Variants in INPP4A observed in about 807,000 individuals in gnomAD.
INPP4A encodes inositol polyphosphate-4-phosphatase, type I, 107kD.
A neutral mutation model predicts 119.8 loss-of-function variants in INPP4A; 33 were observed. That is an observed-to-expected ratio of 0.28 (90% confidence interval 0.21 to 0.37). The LOEUF is 0.37. Among genes scored for constraint, INPP4A ranks in the 10% least tolerant of loss-of-function variants. The pLI is 1.00. For missense variants in INPP4A, 956 were observed against 1,289.9 expected, an observed-to-expected ratio of 0.74 and a Z score of 3.97; for synonymous variants, 496 against 500.7, an observed-to-expected ratio of 0.99 and a Z score of 0.12.
chr2:98,456,933 G>GA (rs1276589776), intron 1 of INPP4A, among the ~76,000 whole-genome samples: 1 of 152,206 alleles, frequency 6.6e-6, no homozygotes, highest in Non-Finnish European at 1.5e-5. Flanking sequence ...GTCAAAGAGA[G>GA]AAGAAAGCCA....
intron 1 of INPP4A, among the ~76,000 whole-genome samples, chr2:98,459,609 A>G (rs928810572): frequency 2.0e-5 from 3 of 152,230 alleles, no homozygotes; most frequent in African/African-American, 4.8e-5. Flanking sequence ...GAAGATTGCC[A>G]GAGTTCTCTA....
rs139220147 is a variant in INPP4A, at chr2:98,543,616, C to T, written c.819-261C>T. Among the ~76,000 whole-genome samples the T allele has an allele frequency of 6.5e-3, 995 of 152,290 alleles. 18 individuals are homozygous for T. Among genetic ancestry groups the T allele is most frequent in the African/African-American group, 0.022 (931 of 41,548 alleles). On this transcript the variant is annotated intron_variant, in intron 10 of 24. Transcript: ENST00000409851. ...TCTTCTCCCCACCTCCACTTAGTTT[C>T]CCTTGAACATTAGACTAAATTCCCG...
intron 13 of INPP4A, among the ~76,000 whole-genome samples, chr2:98,550,304 G>T (rs1386601060): frequency 1.3e-5 from 2 of 152,204 alleles, no homozygotes; most frequent in South Asian, 2.1e-4. Flanking sequence ...ACTGTGAGGG[G>T]CTAAATCCCA....
At chr2:98,484,880 C>T (rs1435613522) in intron 1 of INPP4A, among the ~76,000 whole-genome samples, 1 of 152,180 alleles carries the variant, frequency 6.6e-6, no homozygotes, top group Non-Finnish European at 1.5e-5. Flanking sequence ...ATTTCCCTGA[C>T]AGGCTTGTAG....
At chr2:98,558,226 G>A (rs1694836885) in intron 16 of INPP4A, among the ~76,000 whole-genome samples, 1 of 152,182 alleles carries the variant, frequency 6.6e-6, no homozygotes, top group African/African-American at 2.4e-5. Flanking sequence ...CAACCTAGCT[G>A]TTTGGGATCA....
chr2:98,532,675 T>C (rs976599488), intron 4 of INPP4A, among the ~76,000 whole-genome samples: 4 of 152,168 alleles, frequency 2.6e-5, no homozygotes, highest in Non-Finnish European at 5.9e-5. Context: ...TATAGGCAAT[T>C]GTAACACAAT....
At chr2:98,445,557 T>G (rs1225156085) in intron 1 of INPP4A, among the ~76,000 whole-genome samples, 1 of 152,260 alleles carries the variant, frequency 6.6e-6, no homozygotes, top group Non-Finnish European at 1.5e-5. Context: ...TTCTAGCATC[T>G]TTGCTTTCTA....
chr2:98,492,358 C>T (rs1680983260), intron 1 of INPP4A, among the ~76,000 whole-genome samples: 1 of 152,154 alleles, frequency 6.6e-6, no homozygotes, highest in South Asian at 2.1e-4. Flanking sequence ...TTTCTCCTAG[C>T]ATGGTTTGCT....
chr2:98,458,072 A>G (rs186081058), intron 1 of INPP4A, among the ~76,000 whole-genome samples: 103 of 151,258 alleles, frequency 6.8e-4, no homozygotes, highest in Admixed American at 3.4e-3. Flanking sequence ...TCCTGCCTTA[A>G]CCTCCGAAAG....
At chr2:98,466,056 G>A (rs1174242310) in intron 1 of INPP4A, among the ~76,000 whole-genome samples, 1 of 151,636 alleles carries the variant, frequency 6.6e-6, no homozygotes, top group Non-Finnish European at 1.5e-5. Context: ...TTGTTTTTTT[G>A]TTTTTTTGAG....
At position 98,449,329 on chromosome 2, in the gene INPP4A, C is replaced by G. The variant is rs531425636; in HGVS notation, c.-166+4244C>G. Among the ~76,000 whole-genome samples the G allele has an allele frequency of 5.9e-5, 9 of 152,098 alleles. No individual in the cohort carries two copies. The South Asian group carries it at 1.5e-3, about 25-fold the overall frequency. On this transcript the variant is annotated intron_variant, in intron 1 of 24. Transcript: ENST00000409851. ...TGGAACTGTACTGAAAGGAAGAAAC[C>G]TTCCTTTCTCTATTATTTACTTTTT...
At chr2:98,484,404 G>T (rs1679127161) in intron 1 of INPP4A, among the ~76,000 whole-genome samples, 1 of 152,128 alleles carries the variant, frequency 6.6e-6, no homozygotes, top group Non-Finnish European at 1.5e-5. Flanking sequence ...AGTCAGGGAA[G>T]ACCAAGCCCC....
At chr2:98,463,466 A>G (rs939511580) in intron 1 of INPP4A, among the ~76,000 whole-genome samples, 11 of 152,252 alleles carry the variant, frequency 7.2e-5, no homozygotes, top group Admixed American at 2.0e-4. Context: ...CGGCCTGGGC[A>G]GCACGTTGCA....
chr2:98,564,990 G>T (rs1440719516), intron 19 of INPP4A, among the ~76,000 whole-genome samples: 2 of 152,264 alleles, frequency 1.3e-5, no homozygotes, highest in Non-Finnish European at 2.9e-5. Context: ...GTAACTTCCT[G>T]TTGGACTTTG....
chr2:98,488,242 C>G (rs777004325), intron 1 of INPP4A, among the ~76,000 whole-genome samples: 2 of 152,196 alleles, frequency 1.3e-5, no homozygotes, highest in Non-Finnish European at 2.9e-5. Context: ...TAGAATCACC[C>G]ATTTCTCCAC....
intron 18 of INPP4A, 66 bp from the exon 19 acceptor site, chr2:98,564,574 A>C (rs1696089587): frequency 6.3e-7 from 1 of 1,599,836 alleles, no homozygotes; most frequent in Non-Finnish European, 8.5e-7. Context: ...GGGGCTGGGC[A>C]TGATCTGACT....
chr2:98,539,000 T>C lies in INPP4A; in HGVS notation c.670+19T>C, dbSNP rs1234801517. 4.6e-6 allele frequency: 7 copies of C among 1,514,708 alleles called. No individual in the cohort carries two copies. Among genetic ancestry groups the C allele is most frequent in the Non-Finnish European group, 6.4e-6 (7 of 1,096,926 alleles). The allele number at this position is 1,514,708 out of a possible 1,614,324, so 93.8% of individuals were successfully genotyped here. A position where few individuals can be genotyped will look rare whatever the true frequency, so the allele number is the denominator to read the frequency against. Reference sequence around the variant, plus strand: ...AAATCGGGTAAACAGCTTCCTCCTTTGGTATTCTTGCCTCTCTAGTGAGTA... The same window carrying C: ...AAATCGGGTAAACAGCTTCCTCCTTCGGTATTCTTGCCTCTCTAGTGAGTA... On this transcript the variant is annotated intron_variant, in intron 9 of 24. Transcript: ENST00000409851.
intron 24 of INPP4A, among the ~76,000 whole-genome samples, chr2:98,581,423 A>T (rs1699286682): frequency 8.4e-5 from 12 of 143,446 alleles, no homozygotes; most frequent in Admixed American, 2.1e-4. Flanking sequence ...TTCTATTGTG[A>T]CTTCATTTCA....
At chr2:98,448,104 C>G (rs1045326921) in intron 1 of INPP4A, among the ~76,000 whole-genome samples, 1 of 150,380 alleles carries the variant, frequency 6.6e-6, no homozygotes, top group African/African-American at 2.4e-5. Context: ...GCCTATAATC[C>G]CAGCAATTTG....
Sources: allele counts gnomAD v4.1 joint callset (sites outside exome capture counted in the v4.1 genomes callset), GRCh38; gene constraint gnomAD v4.1.1; transcripts MANE v1.5; gene names NCBI Gene and HGNC (gene_info 2026-07-23, HGNC 2026-07-21).